BACH2: variants seen among roughly 807,000 people sequenced by gnomAD.
The protein encoded by BACH2 is BACH transcriptional regulator 2.
BACH2 carries 5 observed loss-of-function variants against 61.8 expected under a neutral mutation model. The ratio of observed to expected loss-of-function variants is 0.08; its 90% CI spans 0.04 to 0.17. The LOEUF is 0.17. Ranked by LOEUF, BACH2 falls within the 10% of genes least tolerant of loss-of-function variation. The probability of loss-of-function intolerance (pLI) is 1.00; values close to 1 mark genes in which losing one functional copy is unlikely to be tolerated. For missense variants in BACH2, 824 were observed against 1,091.1 expected (o/e 0.76, Z 3.45); for synonymous variants, 446 against 440.1 (o/e 1.01, Z -0.17).
chr6:90,170,930 C>A (rs994369266), intron 4 of BACH2, among the ~76,000 whole-genome samples: 2 of 151,998 alleles, frequency 1.3e-5, no homozygotes, highest in African/African-American at 4.8e-5. Context: ...ATAAGTCAAT[C>A]CCTGATGGGG....
At chr6:90,185,348 T>A (rs1351169242) in intron 4 of BACH2, among the ~76,000 whole-genome samples, 2 of 152,174 alleles carry the variant, frequency 1.3e-5, no homozygotes, top group African/African-American at 4.8e-5. Context: ...TATCCTAATA[T>A]TATAAAATCA....
At chr6:90,244,632 G>A (rs527941117) in intron 3 of BACH2, among the ~76,000 whole-genome samples, 80 of 152,098 alleles carry the variant, frequency 5.3e-4, no homozygotes, top group Non-Finnish European at 1.0e-3. Context: ...GCGCACACAC[G>A]CACACAAATA....
rs747637950 is a variant in BACH2, at chr6:89,950,951, G to A, written c.1155C>T (p.Tyr385=). ...GITQGDLKTD[Y]TPFTGNYGQP... Reference sequence around the variant, plus strand: ...GTCCATAATTCCCTGTGAAAGGGGTGTAGTCAGTTTTAAGGTCACCCTGAG... The same window carrying A: ...GTCCATAATTCCCTGTGAAAGGGGTATAGTCAGTTTTAAGGTCACCCTGAG... The change falls in exon 7 of 9, where the codon TAC becomes TAT. Residue 385 remains tyrosine, a synonymous_variant. Transcript: ENST00000257749. This position sits in a 1 kb window ranked among gnomAD's most constrained non-coding sequence, Gnocchi z 5.3. 11 of 1,572,874 alleles carry A rather than the reference G, an allele frequency of 7.0e-6. No homozygotes were observed. The highest frequency in any genetic ancestry group is 3.6e-5 in the Admixed American group (2 of 55,708).
chr6:90,253,127 CCA>C (rs1770863851), intron 2 of BACH2, among the ~76,000 whole-genome samples: 1 of 152,078 alleles, frequency 6.6e-6, no homozygotes, highest in Admixed American at 6.6e-5. Flanking sequence ...AACTGTAGAC[CCA>C]GCTACTTGGG....
intron 6 of BACH2, among the ~76,000 whole-genome samples, chr6:89,960,396 C>T (rs532446747): frequency 3.2e-4 from 48 of 152,210 alleles, no homozygotes; most frequent in Non-Finnish European, 6.6e-4. Flanking sequence ...TCCCTTTCTA[C>T]CTGTTGCTGT....
intron 3 of BACH2, among the ~76,000 whole-genome samples, chr6:90,250,309 A>G (rs1770765520): frequency 6.6e-6 from 1 of 152,222 alleles, no homozygotes; most frequent in Non-Finnish European, 1.5e-5. Context: ...CCAGTTTAAG[A>G]AAAGTTGACC....
chr6:90,231,219 A>G (rs1481006198), intron 3 of BACH2, among the ~76,000 whole-genome samples: 2 of 152,224 alleles, frequency 1.3e-5, no homozygotes, highest in Admixed American at 1.3e-4. Context: ...AATTTTCATT[A>G]CATACAACTG....
chr6:90,293,537 G>A (rs925694360), intron 1 of BACH2, among the ~76,000 whole-genome samples: 23 of 152,208 alleles, frequency 1.5e-4, no homozygotes, highest in African/African-American at 4.8e-4. Flanking sequence ...AAGTCCTGTC[G>A]GCTGTGCAGA....
chr6:90,254,464 G>C (rs748849637), intron 2 of BACH2, among the ~76,000 whole-genome samples: 1 of 151,970 alleles, frequency 6.6e-6, no homozygotes, highest in Non-Finnish European at 1.5e-5. Flanking sequence ...ATCATATAAT[G>C]GTATAATGCC....
rs1005103054 is a variant in BACH2, at chr6:89,944,226, G to A, written c.1837-5876C>T. On this transcript the variant is annotated intron_variant, in intron 7 of 8. Coordinates refer to ENST00000257749, the MANE Select transcript of BACH2 (RefSeq NM_021813.4). ...GATCTAGGAGTCACAGGGCGATAAC[G>A]CCTGCCCTACTTAGCTTACAGGGTT... Among the ~76,000 whole-genome samples, 3 of 152,216 alleles carry A rather than the reference G, an allele frequency of 2.0e-5. No individual in the cohort carries two copies. In the East Asian group the frequency reaches 5.8e-4, roughly 29 times the overall value.
chr6:90,125,642 G>A (rs1783817998), intron 4 of BACH2, among the ~76,000 whole-genome samples: 2 of 152,216 alleles, frequency 1.3e-5, no homozygotes, highest in African/African-American at 2.4e-5. Flanking sequence ...CGGGTCAGAT[G>A]CTGTGTACTG....
At chr6:89,995,260 C>T (rs144488424) in intron 6 of BACH2, among the ~76,000 whole-genome samples, 9 of 151,008 alleles carry the variant, frequency 6.0e-5, no homozygotes, top group Non-Finnish European at 1.2e-4. Context: ...CATCCCCCGA[C>T]CCCAGATTTG....
At chr6:90,143,776 C>A (rs561403255) in intron 4 of BACH2, among the ~76,000 whole-genome samples, 9 of 152,096 alleles carry the variant, frequency 5.9e-5, no homozygotes, top group Non-Finnish European at 1.3e-4. Flanking sequence ...ATTGGTTGGT[C>A]AACAAATACT....
intron 4 of BACH2, among the ~76,000 whole-genome samples, chr6:90,198,954 T>C (rs1768862304): frequency 6.6e-6 from 1 of 152,200 alleles, no homozygotes; most frequent in Admixed American, 6.5e-5. Flanking sequence ...TGAGATCTGA[T>C]GGTTTTATAA....
intron 4 of BACH2, among the ~76,000 whole-genome samples, chr6:90,107,573 T>A (rs1782978754): frequency 6.6e-6 from 1 of 152,082 alleles, no homozygotes. Context: ...ACATCACATC[T>A]CTGGCTAGGA....
intron 4 of BACH2, among the ~76,000 whole-genome samples, chr6:90,182,328 T>C (rs1452437010): frequency 2.6e-5 from 4 of 152,240 alleles, no homozygotes; most frequent in Admixed American, 2.6e-4. Context: ...CTGTTCCTTC[T>C]ATCTGGAATG....
intron 3 of BACH2, among the ~76,000 whole-genome samples, chr6:90,238,279 T>G (rs2655387): frequency 2.0e-5 from 3 of 152,068 alleles, no homozygotes; most frequent in African/African-American, 4.8e-5. Context: ...CTGAAACTCT[T>G]AGAGAAAAAT....
rs141250604 is a variant in BACH2, at chr6:90,281,883, C to T, written c.-445-9942G>A. ...GTACAGATGAGAAAACTAAGGTACA[C>T]TGAAGTTCAGAAATTCATCCAAGGT... On this transcript the variant is annotated intron_variant, in intron 1 of 8. Transcript: ENST00000257749. Among the ~76,000 whole-genome samples, 16 of 152,164 alleles carry T rather than the reference C, an allele frequency of 1.1e-4. No homozygotes were observed. In the East Asian group the frequency reaches 2.9e-3, roughly 28 times the overall value.
rs983135316 is a variant in BACH2 at position 89,926,905 on chromosome 6, A to T, written c.*5503T>A. ...AGTATGTAGAAAAACACCTGATGTAACCTGTTACAGTCGTTGACCAGTTAT... is the reference window on the plus strand; with the variant it reads ...AGTATGTAGAAAAACACCTGATGTATCCTGTTACAGTCGTTGACCAGTTAT... On this transcript the variant is annotated 3_prime_UTR_variant, in exon 9 of 9. Coordinates refer to ENST00000257749, the MANE Select transcript of BACH2 (RefSeq NM_021813.4). The T allele has an allele frequency of 7.9e-5, 12 of 152,784 alleles. No individual in the cohort carries two copies. The highest frequency in any genetic ancestry group is 2.9e-4 in the African/African-American group (12 of 41,450). 9.5% of individuals were successfully genotyped at this position (152,784 alleles called of 1,614,324 possible). A position where few individuals can be genotyped will look rare whatever the true frequency, so the allele number is the denominator to read the frequency against.
Sources: gnomAD v4.1 joint callset for allele counts (sites outside exome capture counted in the v4.1 genomes callset) on GRCh38, gnomAD v4.1.1 for gene constraint, Gnocchi (gnomAD v3.1) non-coding constraint, MANE v1.5 for transcripts, NCBI Gene and HGNC (gene_info 2026-07-23, HGNC 2026-07-21) for gene names.